CEMIP2: variants seen among roughly 807,000 people sequenced by gnomAD.
CEMIP2 encodes the protein cell migration inducing hyaluronidase 2.
In CEMIP2, 79 loss-of-function variants were observed where a neutral mutation model predicts 146.9. The ratio of observed to expected loss-of-function variants is 0.54; its 90% confidence interval spans 0.45 to 0.65. The LOEUF is 0.65. Ranked by LOEUF, CEMIP2 falls within the 30% of genes least tolerant of loss-of-function variation. CEMIP2 has a pLI of 0.00. For synonymous variants in CEMIP2, 601 were observed against 606.3 expected, an observed-to-expected ratio of 0.99 and a Z score of 0.13; for missense variants, 1,596 against 1,696.2, an observed-to-expected ratio of 0.94 and a Z score of 1.04.
chr9:71,751,510 T>A (rs1824253083), intron 1 of CEMIP2, among the ~76,000 whole-genome samples: 1 of 152,194 alleles, frequency 6.6e-6, no homozygotes. Flanking sequence ...GTGATTCTCA[T>A]GAACATCTAG....
chr9:71,690,871 GT>G (rs914179201), intron 21 of CEMIP2, among the ~76,000 whole-genome samples: 1 of 152,126 alleles, frequency 6.6e-6, no homozygotes, highest in African/African-American at 2.4e-5. Flanking sequence ...TAAATCAGTG[GT>G]TTGTGACCTT....
At chr9:71,743,523 G>A (rs896564495) in intron 4 of CEMIP2, among the ~76,000 whole-genome samples, 4 of 152,100 alleles carry the variant, frequency 2.6e-5, no homozygotes, top group African/African-American at 4.8e-5. Flanking sequence ...TACACAGCAC[G>A]CTCCCGAACT....
chr9:71,738,738 T>C (rs1037241587), intron 5 of CEMIP2, among the ~76,000 whole-genome samples: 3 of 151,156 alleles, frequency 2.0e-5, no homozygotes, highest in Non-Finnish European at 2.9e-5. Context: ...TTTGGGAGGC[T>C]GAGGCAGATA....
At chr9:71,720,671 T>C (rs1290593247) in intron 12 of CEMIP2, among the ~76,000 whole-genome samples, 2 of 152,228 alleles carry the variant, frequency 1.3e-5, no homozygotes, top group Non-Finnish European at 2.9e-5. Flanking sequence ...GTGTTTAATA[T>C]ATGAGCTGGT....
intron 13 of CEMIP2, among the ~76,000 whole-genome samples, chr9:71,717,618 AG>A (rs1268791080): frequency 3.3e-5 from 5 of 152,202 alleles, no homozygotes; most frequent in African/African-American, 1.2e-4. Flanking sequence ...AGTTTTCAAG[AG>A]GAAGGGAAAA....
intron 6 of CEMIP2, among the ~76,000 whole-genome samples, chr9:71,733,789 C>G (rs1027236): frequency 6.6e-6 from 1 of 151,840 alleles, no homozygotes; most frequent in Admixed American, 6.6e-5. Flanking sequence ...AATGAGTGCC[C>G]GGTAAGTGTC....
At chr9:71,744,567 A>G (rs964568498) in intron 4 of CEMIP2, among the ~76,000 whole-genome samples, 3 of 152,198 alleles carry the variant, frequency 2.0e-5, no homozygotes, top group Non-Finnish European at 4.4e-5. Context: ...AAAGAAAAAG[A>G]AAAACTGCAT....
Position 71,745,022 on chromosome 9 carries a change from A to G in CEMIP2, c.1030T>C (p.Tyr344His). 1 of 1,613,186 alleles carries G rather than the reference A, an allele frequency of 6.2e-7. No individual in the cohort carries two copies. Among genetic ancestry groups the G allele is most frequent in the South Asian group, 1.1e-5 (1 of 91,022 alleles). Residue 344 changes from tyrosine (Y) to histidine (H), a missense_variant, in exon 4 of 24, where the codon TAC (tyrosine) becomes CAC (histidine). Physicochemically the swap from Tyr to His is moderately conservative, Grantham distance 83. Coordinates refer to ENST00000377044, the MANE Select transcript of CEMIP2 (RefSeq NM_013390.3). The part of the protein sequence containing the change: ...LGSELIQGLG[Y>H]RQAWALVGVI... ...CTGGGAAGAAGGTATGCCTACCTGT[A>G]GCCCAGTCCTTGGATCAGTTCACTT...
chr9:71,686,800 A>G (rs1822074730), intron 22 of CEMIP2: 1 of 152,186 alleles, frequency 6.6e-6, no homozygotes, highest in African/African-American at 2.4e-5. Flanking sequence ...ATTTCCTGTC[A>G]TCCACCCCTC....
At chr9:71,766,144 C>T (rs756568206) in intron 1 of CEMIP2, among the ~76,000 whole-genome samples, 22 of 151,582 alleles carry the variant, frequency 1.5e-4, no homozygotes, top group Non-Finnish European at 2.8e-4. Flanking sequence ...TCTCGGCTCA[C>T]TGCAACCTCC....
chr9:71,729,570 ATCGCGCCACTGCAC>A (rs1319067305), intron 10 of CEMIP2, among the ~76,000 whole-genome samples: 2 of 151,664 alleles, frequency 1.3e-5, no homozygotes, highest in East Asian at 3.9e-4. Context: ...AGTGACCAAG[ATCGCGCCACTGCAC>A]TCCAGCCTGG....
At chr9:71,739,964 A>G in intron 5 of CEMIP2, 99 bp downstream of exon 5, 1 of 1,136,784 alleles carries the variant, frequency 8.8e-7, no homozygotes, top group Non-Finnish European at 1.2e-6. Flanking sequence ...AAATCTAACC[A>G]GGCGGACTGT....
At chr9:71,735,017 A>G in intron 5 of CEMIP2, 23 bp from the exon 6 acceptor site, 2 of 1,570,074 alleles carry the variant, frequency 1.3e-6, no homozygotes, top group Non-Finnish European at 1.7e-6. Flanking sequence ...AAAAAAAAAG[A>G]AAAAGAAAGT....
chr9:71,762,927 T>C (rs117975395), intron 1 of CEMIP2, among the ~76,000 whole-genome samples: 10,195 of 152,092 alleles, frequency 0.067, 500 homozygotes, highest in Non-Finnish European at 0.098. Context: ...TGTGGAAAGA[T>C]AGCTTGAGCC....
Position 71,768,451 on chromosome 9 carries a change from T to G in CEMIP2, c.-107A>C, listed in dbSNP as rs1564033323. 2 of 152,168 alleles carry G rather than the reference T, an allele frequency of 1.3e-5. No homozygotes were observed. The highest frequency in any genetic ancestry group is 1.5e-5 in the Non-Finnish European group (1 of 68,116). The allele number at this position is 152,168 out of a possible 1,614,324, so 9.4% of individuals were successfully genotyped here. On this transcript the variant is annotated 5_prime_UTR_variant, in exon 1 of 24. Coordinates refer to ENST00000377044, the MANE Select transcript of CEMIP2 (RefSeq NM_013390.3). ...TCCCTGGCGTCCTCGGGTCCAGATC[T>G]CCTCTCCATGGCCAGGAAGCCACTC...
At chr9:71,726,670 T>C (rs1218589624) in intron 10 of CEMIP2, among the ~76,000 whole-genome samples, 3 of 152,226 alleles carry the variant, frequency 2.0e-5, no homozygotes, top group Admixed American at 6.5e-5. Context: ...AGAGGAATTA[T>C]GGAAAACATA....
At chr9:71,743,384 A>T (rs1823979518) in intron 4 of CEMIP2, among the ~76,000 whole-genome samples, 1 of 152,154 alleles carries the variant, frequency 6.6e-6, no homozygotes, top group Non-Finnish European at 1.5e-5. Flanking sequence ...TAAGCTCTAC[A>T]TTGTTATTTT....
Position 71,745,124 on chromosome 9 carries a change from C to A in CEMIP2, c.928G>T (p.Val310Phe), listed in dbSNP as rs766139805. 4.3e-6 allele frequency: 7 copies of A among 1,614,044 alleles called. No individual in the cohort carries two copies. The African/African-American group carries it at 5.3e-5, about 12-fold the overall frequency. Reference sequence around the variant, plus strand: ...GCTGAATCCCCGACAGCTATGGCAACAATCCGACCTGGATCCTGGAATCTC... The same window carrying A: ...GCTGAATCCCCGACAGCTATGGCAAAAATCCGACCTGGATCCTGGAATCTC... ...FLRFQDPGRI[V>F]AIAVGDSAAK... is the part of the protein sequence containing the mutation. The change falls in exon 4 of 24, where the codon GTT (valine) becomes TTT (phenylalanine). Residue 310 changes from valine (V) to phenylalanine (F), a missense_variant. Val to Phe is a conservative substitution (Grantham distance 50, BLOSUM62 -1). Coordinates refer to ENST00000377044, the MANE Select transcript of CEMIP2 (RefSeq NM_013390.3).
intron 5 of CEMIP2, among the ~76,000 whole-genome samples, chr9:71,738,285 G>A (rs1427731084): frequency 6.6e-6 from 1 of 152,268 alleles, no homozygotes; most frequent in African/African-American, 2.4e-5. Flanking sequence ...GGCTGAGATC[G>A]ACAGATCGCT....
Sources: gnomAD v4.1 joint callset for allele counts (sites outside exome capture counted in the v4.1 genomes callset) on GRCh38, gnomAD v4.1.1 for gene constraint, MANE v1.5 for transcripts, NCBI Gene and HGNC (gene_info 2026-07-23, HGNC 2026-07-21) for gene names.